The following HDAC4 variants were observed in gnomAD, a reference collection of about 807,000 sequenced individuals.
HDAC4 encodes the protein histone deacetylase A.
Under a neutral mutation model 135.1 loss-of-function variants are expected in HDAC4, and 16 were observed. That is an observed-to-expected ratio of 0.12 (90% confidence interval 0.08 to 0.18). HDAC4 has a LOEUF of 0.18. HDAC4 is among the 10% of genes least tolerant of loss of function. The probability of loss-of-function intolerance (pLI) is 1.00; values close to 1 mark genes in which losing one functional copy is unlikely to be tolerated. For missense variants in HDAC4, 1,143 were observed against 1,511.8 expected, an observed-to-expected ratio of 0.76 and a Z score of 4.05; for synonymous variants, 685 against 653.4, an observed-to-expected ratio of 1.05 and a Z score of -0.74.
chr2:239,157,361 A>C (rs2042490862), intron 6 of HDAC4, among the ~76,000 whole-genome samples: 1 of 152,122 alleles, frequency 6.6e-6, no homozygotes, highest in Admixed American at 6.5e-5. Context: ...TCTCTGGGGG[A>C]GGAACAGGAT....
intron 2 of HDAC4, among the ~76,000 whole-genome samples, chr2:239,295,564 C>T (rs1293876947): frequency 6.6e-6 from 1 of 152,148 alleles, no homozygotes; most frequent in African/African-American, 2.4e-5. Context: ...CCTCCCTTAT[C>T]ATTAGAAAGG....
At chr2:239,376,939 A>G (rs1695051906) in intron 1 of HDAC4, among the ~76,000 whole-genome samples, 1 of 152,154 alleles carries the variant, frequency 6.6e-6, no homozygotes, top group South Asian at 2.1e-4. Context: ...CTCTGAGTGC[A>G]GGTCCTTATT....
intron 7 of HDAC4, among the ~76,000 whole-genome samples, chr2:239,148,040 G>A (rs940049353): frequency 1.3e-5 from 2 of 152,206 alleles, no homozygotes; most frequent in African/African-American, 2.4e-5. Flanking sequence ...TGTGGAGGGC[G>A]GTTTCTTTGT....
At chr2:239,324,644 C>T (rs1220644476) in intron 2 of HDAC4, among the ~76,000 whole-genome samples, 2 of 152,180 alleles carry the variant, frequency 1.3e-5, no homozygotes, top group Non-Finnish European at 2.9e-5. Context: ...GAGCCCCACT[C>T]ACGAGGCACC....
At chr2:239,298,658 G>A in intron 2 of HDAC4, 2 of 980,544 alleles carry the variant, frequency 2.0e-6, no homozygotes, top group Non-Finnish European at 2.4e-6. Context: ...GTGAGACTGT[G>A]GCTAAATCAT....
intron 5 of HDAC4, among the ~76,000 whole-genome samples, chr2:239,173,221 A>G (rs990006805): frequency 2.6e-5 from 4 of 152,334 alleles, no homozygotes; most frequent in East Asian, 1.9e-4. Flanking sequence ...CTGTTTGGCA[A>G]TCTCCCTCAG....
At chr2:239,293,782 T>C (rs1480475198) in intron 2 of HDAC4, among the ~76,000 whole-genome samples, 3 of 152,244 alleles carry the variant, frequency 2.0e-5, no homozygotes, top group East Asian at 3.8e-4. Context: ...CTGTATCACC[T>C]GGACATACAG....
intron 2 of HDAC4, among the ~76,000 whole-genome samples, chr2:239,348,477 G>A (rs752262610): frequency 3.3e-5 from 5 of 152,246 alleles, no homozygotes; most frequent in Non-Finnish European, 7.3e-5. Context: ...AGTATCCTAA[G>A]CCCTTAACCA....
intron 1 of HDAC4, among the ~76,000 whole-genome samples, chr2:239,360,059 G>A (rs1421811425): frequency 6.6e-6 from 1 of 152,202 alleles, no homozygotes; most frequent in African/African-American, 2.4e-5. Flanking sequence ...GCTCCAGCGA[G>A]TGAACGGGGT....
At chr2:239,105,863 C>T (rs1376774365) in intron 15 of HDAC4, among the ~76,000 whole-genome samples, 1 of 152,182 alleles carries the variant, frequency 6.6e-6, no homozygotes, top group Non-Finnish European at 1.5e-5. Flanking sequence ...CAGGCTGGCA[C>T]TGGAAGTCTG....
chr2:239,093,799 G>A, intron 17 of HDAC4: 1 of 328,878 alleles, frequency 3.0e-6, no homozygotes, highest in Non-Finnish European at 4.4e-6. Context: ...GATAAATTCT[G>A]CCTTGCACAG....
chr2:239,255,465 G>A (rs887977656), intron 2 of HDAC4, among the ~76,000 whole-genome samples: 4 of 152,102 alleles, frequency 2.6e-5, no homozygotes, highest in Non-Finnish European at 4.4e-5. Flanking sequence ...CTGCATCTCC[G>A]GGCTCTACTT....
intron 14 of HDAC4, among the ~76,000 whole-genome samples, chr2:239,108,994 A>G (rs1458087588): frequency 6.6e-6 from 1 of 152,196 alleles, no homozygotes; most frequent in Non-Finnish European, 1.5e-5. Context: ...CATACGTGGG[A>G]CCGCTGTGAA....
chr2:239,332,113 G>A (rs1691625529), intron 2 of HDAC4, among the ~76,000 whole-genome samples: 1 of 152,164 alleles, frequency 6.6e-6, no homozygotes, highest in African/African-American at 2.4e-5. Flanking sequence ...GGCTAAACCT[G>A]ACAGAGCTAA....
At chr2:239,377,367 ACT>A (rs1695085569) in intron 1 of HDAC4, among the ~76,000 whole-genome samples, 1 of 151,940 alleles carries the variant, frequency 6.6e-6, no homozygotes, top group Non-Finnish European at 1.5e-5. Context: ...TGACTCCGTG[ACT>A]CTCTGTGTTG....
chr2:239,348,274 A>ACATGTCCCAGCAAATC (rs1553610950), intron 2 of HDAC4, among the ~76,000 whole-genome samples: 2 of 150,326 alleles, frequency 1.3e-5, no homozygotes, highest in African/African-American at 5.0e-5. Context: ...CTGACCACAG[A>ACATGTCCCAGCAAATC]CACGTCCCAG....
In HDAC4 at chr2:239,400,312, ACGGCGCCCGGCCGGCCC is replaced by A. The variant is rs992011039; in HGVS notation, c.-220+649_-220+665del. The A allele has an allele frequency of 4.0e-5, 6 of 148,304 alleles. No homozygotes were observed. The highest frequency in any genetic ancestry group is 6.0e-5 in the Non-Finnish European group (4 of 66,772). 9.2% of individuals were successfully genotyped at this position (148,304 alleles called of 1,614,324 possible). ...CACAGCATTTGACAAAGTTACATAA[ACGGCGCCCGGCCGGCCC>A]CGGCGCCCGCCCGCCCCCGCCCTCA... On this transcript the variant is annotated intron_variant, in intron 1 of 26. Transcript: ENST00000543185. The surrounding 1 kb of genome is among the most constrained non-coding windows in gnomAD (Gnocchi z 4.7).
At chr2:239,310,502 G>A (rs574876737) in intron 2 of HDAC4, among the ~76,000 whole-genome samples, 1 of 152,150 alleles carries the variant, frequency 6.6e-6, no homozygotes, top group Non-Finnish European at 1.5e-5. Flanking sequence ...CTGGGGCCAA[G>A]GGAAGGCCCC....
intron 2 of HDAC4, among the ~76,000 whole-genome samples, chr2:239,266,849 T>A (rs2049763107): frequency 6.6e-6 from 1 of 152,170 alleles, no homozygotes; most frequent in South Asian, 2.1e-4. Context: ...CTGGGACTCC[T>A]GCTCCACCCC....
Sources: allele counts gnomAD v4.1 joint callset (sites outside exome capture counted in the v4.1 genomes callset), GRCh38; gene constraint gnomAD v4.1.1; non-coding constraint Gnocchi (gnomAD v3.1); transcripts MANE v1.5; gene names NCBI Gene and HGNC (gene_info 2026-07-23, HGNC 2026-07-21).